ZMPSTE24: variants seen among roughly 807,000 people sequenced by gnomAD.
ZMPSTE24 encodes the protein zinc metallopeptidase STE24.
Under a neutral mutation model 56.7 loss-of-function variants are expected in ZMPSTE24, and 48 were observed. That is an observed-to-expected ratio of 0.85 (90% CI 0.67 to 1.08). The LOEUF is 1.08. Among genes scored for constraint, ZMPSTE24 ranks in the 50% least tolerant of loss-of-function variants. The pLI, the probability that ZMPSTE24 is intolerant of heterozygous loss-of-function variation, is 0.00. For missense variants in ZMPSTE24, 503 were observed against 548.7 expected (o/e 0.92, Z 0.83); for synonymous variants, 172 against 195.2 (o/e 0.88, Z 0.99).
chr1:40,282,399 A>G (rs1195847689), intron 7 of ZMPSTE24, among the ~76,000 whole-genome samples: 1 of 152,220 alleles, frequency 6.6e-6, no homozygotes, highest in Non-Finnish European at 1.5e-5. Flanking sequence ...CAGTATTTGT[A>G]TGTGTGATGG....
rs764120527 is a variant in ZMPSTE24 at position 40,270,115 on chromosome 1, A to AGTT, written c.618_620dup (p.Val207dup). ...TTATTTATGCCTGGCTGTTCACATT[A>AGTT]GTTGTGTCTCTGGTGAGTAAAATCT... is the stretch of plus-strand genomic sequence containing the variant. On this transcript the variant is annotated inframe_insertion, in exon 5 of 10. Coordinates refer to ENST00000372759, the MANE Select transcript of ZMPSTE24 (RefSeq NM_005857.5). 2 of 1,613,910 alleles carry AGTT rather than the reference A, an allele frequency of 1.2e-6. No homozygotes were observed. Among genetic ancestry groups the AGTT allele is most frequent in the Admixed American group, 3.3e-5 (2 of 60,012 alleles).
chr1:40,288,925 AC>A (rs1643811954), intron 8 of ZMPSTE24, among the ~76,000 whole-genome samples: 1 of 151,892 alleles, frequency 6.6e-6, no homozygotes, highest in Non-Finnish European at 1.5e-5. Flanking sequence ...TGAGATATAC[AC>A]CTTAAAGTTC....
At chr1:40,262,833 G>C (rs1423373889) in intron 2 of ZMPSTE24, 2 of 1,172,520 alleles carry the variant, frequency 1.7e-6, no homozygotes, top group East Asian at 7.9e-5. Flanking sequence ...TGTTTCACCA[G>C]TTCCAGAGAA....
At chr1:40,289,193 T>A (rs1167776014) in intron 8 of ZMPSTE24, among the ~76,000 whole-genome samples, 1 of 152,232 alleles carries the variant, frequency 6.6e-6, no homozygotes, top group Non-Finnish European at 1.5e-5. Flanking sequence ...TACTGGTGCC[T>A]TCATAACTTG....
At chr1:40,265,648 A>G (rs929918911) in intron 2 of ZMPSTE24, among the ~76,000 whole-genome samples, 2 of 152,180 alleles carry the variant, frequency 1.3e-5, no homozygotes, top group African/African-American at 4.8e-5. Flanking sequence ...GTAAGCTATG[A>G]TCATAACACT....
In ZMPSTE24 at chr1:40,261,394, G is replaced by C. The variant is rs933573176; in HGVS notation, c.270+409G>C. 2.0e-5 allele frequency among the ~76,000 whole-genome samples: 3 copies of C among 151,710 alleles called. No homozygotes were observed. In the East Asian group the frequency reaches 5.8e-4, roughly 29 times the overall value. On this transcript the variant is annotated intron_variant, in intron 2 of 9. Coordinates refer to ENST00000372759, the MANE Select transcript of ZMPSTE24 (RefSeq NM_005857.5). ...TGGCACAGTCTTGCTCTGTCACCCA[G>C]GCTGAAGTACAGTGGCGTGATCTTG...
Position 40,294,103 on chromosome 1 carries a change from TTTCC to T in ZMPSTE24, c.*1442_*1445del. 6.5e-6 allele frequency: 1 copy of T among 152,794 alleles called. No homozygotes were observed. 9.5% of individuals were successfully genotyped at this position (152,794 alleles called of 1,614,324 possible). A position where few individuals can be genotyped will look rare whatever the true frequency, so the allele number is the denominator to read the frequency against. On this transcript the variant is annotated 3_prime_UTR_variant, in exon 10 of 10. Coordinates refer to ENST00000372759, the MANE Select transcript of ZMPSTE24 (RefSeq NM_005857.5). ...GTGACTTCATGCTCTGATAACTGCC[TTTCC>T]TTCCTTCTGTGCCTTTGAATACAAA... is the stretch of plus-strand genomic sequence containing the variant.
intron 2 of ZMPSTE24, 103 bp from the exon 3 acceptor site, chr1:40,267,683 A>C: frequency 4.1e-6 from 4 of 965,250 alleles, no homozygotes; most frequent in Non-Finnish European, 4.9e-6. Flanking sequence ...TTGTTTTTTT[A>C]ATAGAGATGA....
intron 6 of ZMPSTE24, among the ~76,000 whole-genome samples, chr1:40,278,448 C>T (rs1643692316): frequency 1.4e-5 from 2 of 147,554 alleles, no homozygotes. Context: ...GTCCCAGCTA[C>T]TCGGGAGGCT....
At chr1:40,291,916 C>T (rs546217809) in intron 9 of ZMPSTE24, among the ~76,000 whole-genome samples, 14 of 151,030 alleles carry the variant, frequency 9.3e-5, no homozygotes, top group Non-Finnish European at 1.8e-4. Flanking sequence ...TCTTGGCTCA[C>T]TGCAACCTCC....
At chr1:40,269,923 A>T (rs897843398) in intron 4 of ZMPSTE24, 52 bp from the exon 5 acceptor site, 67 of 1,570,210 alleles carry the variant, frequency 4.3e-5, no homozygotes, top group Non-Finnish European at 5.6e-5. Flanking sequence ...CAGTTATTTT[A>T]AAAAGCAGAA....
chr1:40,259,171 TAAATG>T (rs951406550), intron 1 of ZMPSTE24, among the ~76,000 whole-genome samples: 10 of 152,116 alleles, frequency 6.6e-5, no homozygotes, highest in South Asian at 2.1e-4. Flanking sequence ...AATAAATAAA[TAAATG>T]AAATTAAATG....
chr1:40,269,092 A>G (rs1189176687), intron 4 of ZMPSTE24, among the ~76,000 whole-genome samples: 1 of 149,822 alleles, frequency 6.7e-6, no homozygotes, highest in Admixed American at 6.7e-5. Flanking sequence ...AAAAAAAAAA[A>G]AAAAAGAAAG....
intron 5 of ZMPSTE24, 77 bp from the exon 6 acceptor site, chr1:40,271,817 A>G: frequency 1.3e-6 from 2 of 1,505,572 alleles, no homozygotes; most frequent in Non-Finnish European, 1.8e-6. Context: ...TTGTTTTAAT[A>G]TAATTTAATC....
intron 7 of ZMPSTE24, among the ~76,000 whole-genome samples, chr1:40,285,246 A>C (rs534647820): frequency 6.6e-6 from 1 of 152,176 alleles, no homozygotes; most frequent in African/African-American, 2.4e-5. Flanking sequence ...AGCTGCAATT[A>C]CAGGCGCATA....
intron 7 of ZMPSTE24, among the ~76,000 whole-genome samples, chr1:40,283,979 C>T (rs1643757530): frequency 6.7e-6 from 1 of 149,746 alleles, no homozygotes; most frequent in Non-Finnish European, 1.5e-5. Context: ...TGCCCTCTCG[C>T]CCAGGCTGGA....
At chr1:40,285,889 T>G (rs185259640) in intron 7 of ZMPSTE24, 36 bp from the exon 8 acceptor site, 1 of 1,550,316 alleles carries the variant, frequency 6.5e-7, no homozygotes, top group East Asian at 2.4e-5. Context: ...TTTTTAAAGG[T>G]TCTCAATAAT....
intron 1 of ZMPSTE24, among the ~76,000 whole-genome samples, chr1:40,259,148 AACTC>A (rs1405029153): frequency 2.0e-5 from 3 of 152,128 alleles, no homozygotes; most frequent in African/African-American, 4.8e-5. Context: ...ACAAGAGTGA[AACTC>A]AATCTCAAAA....
chr1:40,269,725 C>A (rs1643593967), intron 4 of ZMPSTE24, among the ~76,000 whole-genome samples: 1 of 152,174 alleles, frequency 6.6e-6, no homozygotes, highest in African/African-American at 2.4e-5. Context: ...CTAGGCCTTC[C>A]AAAGTGCTGG....
Sources: gnomAD v4.1 joint callset for allele counts (sites outside exome capture counted in the v4.1 genomes callset) on GRCh38, gnomAD v4.1.1 for gene constraint, MANE v1.5 for transcripts, NCBI Gene and HGNC (gene_info 2026-07-23, HGNC 2026-07-21) for gene names.